Variants in CNTN1 observed in about 807,000 individuals in gnomAD.
CNTN1 encodes the protein contactin 1.
A neutral mutation model predicts 126.4 loss-of-function variants in CNTN1; 38 were observed. The observed-to-expected ratio is 0.30, with a 90% confidence interval of 0.23 to 0.39. The LOEUF (loss-of-function observed/expected upper bound fraction) is 0.39, where lower values mean the gene tolerates loss of function less well. CNTN1 is among the 10% of genes least tolerant of loss of function. The pLI, the probability that CNTN1 is intolerant of heterozygous loss-of-function variation, is 1.00. For missense variants in CNTN1, 1,009 were observed against 1,248.4 expected (o/e 0.81, Z 2.89); for synonymous variants, 413 against 422.6 (o/e 0.98, Z 0.28).
chr12:41,034,947 C>A (rs1265928112), intron 23 of CNTN1, among the ~76,000 whole-genome samples: 8 of 152,308 alleles, frequency 5.3e-5, no homozygotes, highest in African/African-American at 1.7e-4. Flanking sequence ...TTTGATCCAG[C>A]AGTTGTTGGA....
chr12:40,937,929 G>C (rs1244441795), intron 11 of CNTN1, among the ~76,000 whole-genome samples: 2 of 152,058 alleles, frequency 1.3e-5, no homozygotes, highest in African/African-American at 2.4e-5. Flanking sequence ...CCATACCTAG[G>C]AGCACATTAG....
chr12:40,954,525 C>T (rs1946802687), intron 14 of CNTN1, among the ~76,000 whole-genome samples: 1 of 151,970 alleles, frequency 6.6e-6, no homozygotes, highest in Non-Finnish European at 1.5e-5. Context: ...CATCTTTTAC[C>T]TCCTTTGTTA....
intron 17 of CNTN1, among the ~76,000 whole-genome samples, chr12:41,007,524 G>A (rs1463819115): frequency 1.3e-5 from 2 of 152,192 alleles, no homozygotes; most frequent in Non-Finnish European, 2.9e-5. Flanking sequence ...ATAGGCAGAA[G>A]AGAAGTGAAA....
At chr12:40,978,367 A>AT (rs1347783085) in intron 15 of CNTN1, among the ~76,000 whole-genome samples, 3 of 151,902 alleles carry the variant, frequency 2.0e-5, no homozygotes, top group African/African-American at 4.8e-5. Flanking sequence ...ACCGAGTAAA[A>AT]TTCCCACACC....
intron 6 of CNTN1, among the ~76,000 whole-genome samples, chr12:40,928,285 G>A (rs1009439432): frequency 3.3e-5 from 5 of 151,962 alleles, no homozygotes; most frequent in African/African-American, 1.2e-4. Context: ...TCTTTTAAAT[G>A]TACTATACAT....
chr12:40,908,339 T>G lies in CNTN1; in HGVS notation c.-76-18T>G. On this transcript the variant is annotated intron_variant, in intron 1 of 23. Transcript: ENST00000551295. Reference sequence around the variant, plus strand: ...CCTTCTAATTCTTTCCTTCTTCTTCTTTTCTTTCTTGATGCAGGTGTTTAA... The same window carrying G: ...CCTTCTAATTCTTTCCTTCTTCTTCGTTTCTTTCTTGATGCAGGTGTTTAA... 1 of 878,620 alleles carries G rather than the reference T, an allele frequency of 1.1e-6. No homozygotes were observed. The allele number at this position is 878,620 out of a possible 1,614,324, so 54.4% of individuals were successfully genotyped here.
chr12:40,885,643 T>TTAATTAATTAGTTA (rs2136709060), intron 1 of CNTN1, among the ~76,000 whole-genome samples: 1 of 152,102 alleles, frequency 6.6e-6, no homozygotes, highest in Admixed American at 6.5e-5. Context: ...GTATTTACAG[T>TTAATTAATTAGTTA]GGTTAGTAGT....
At chr12:40,805,733 A>C (rs1565761372) in intron 1 of CNTN1, among the ~76,000 whole-genome samples, 1 of 151,994 alleles carries the variant, frequency 6.6e-6, no homozygotes, top group African/African-American at 2.4e-5. Flanking sequence ...GTATCTCATA[A>C]ATTTGAATGC....
intron 1 of CNTN1, among the ~76,000 whole-genome samples, chr12:40,878,306 TA>T (rs200512380): frequency 1.6e-3 from 230 of 142,896 alleles, no homozygotes; most frequent in Admixed American, 2.9e-3. Context: ...AAGAAACAAT[TA>T]AAAAAAAAAA....
intron 17 of CNTN1, among the ~76,000 whole-genome samples, chr12:40,994,559 A>G (rs1173863831): frequency 6.6e-6 from 1 of 152,132 alleles, no homozygotes; most frequent in Non-Finnish European, 1.5e-5. Flanking sequence ...AAAGAGCAAC[A>G]GTGTTCGGTC....
chr12:40,827,136 T>A (rs1313454665), intron 1 of CNTN1, among the ~76,000 whole-genome samples: 1 of 152,112 alleles, frequency 6.6e-6, no homozygotes, highest in Non-Finnish European at 1.5e-5. Context: ...TTTCCCTTGA[T>A]GAATATTAGC....
At chr12:40,928,064 T>G (rs1158218527) in intron 6 of CNTN1, among the ~76,000 whole-genome samples, 3 of 152,108 alleles carry the variant, frequency 2.0e-5, no homozygotes, top group African/African-American at 4.8e-5. Context: ...TTACTCTAAA[T>G]GCATTTTGTG....
Position 40,846,358 on chromosome 12 carries a change from T to C in CNTN1, c.-76-61999T>C, listed in dbSNP as rs142803693. Among the ~76,000 whole-genome samples the C allele has an allele frequency of 9.1e-3, 1,382 of 152,158 alleles. 21 individuals carry two copies. Among genetic ancestry groups the C allele is most frequent in the African/African-American group, 0.032 (1,315 of 41,522 alleles). ...TGGCGGGCGCCTGCAGTCCCAGCTATTCGGGAGGCTGAGGCAGGAGAATGG... is the reference window on the plus strand; with the variant it reads ...TGGCGGGCGCCTGCAGTCCCAGCTACTCGGGAGGCTGAGGCAGGAGAATGG... On this transcript the variant is annotated intron_variant, in intron 1 of 23. Coordinates refer to ENST00000551295, the MANE Select transcript of CNTN1 (RefSeq NM_001843.4).
intron 1 of CNTN1, among the ~76,000 whole-genome samples, chr12:40,724,077 A>G (rs1195694762): frequency 6.6e-6 from 1 of 151,888 alleles, no homozygotes; most frequent in Non-Finnish European, 1.5e-5. Context: ...TTGAGGCTGG[A>G]TTCATTATTA....
chr12:40,806,328 GC>G (rs369991947), intron 1 of CNTN1, among the ~76,000 whole-genome samples: 1 of 152,148 alleles, frequency 6.6e-6, no homozygotes, highest in African/African-American at 2.4e-5. Flanking sequence ...TGCTATAGAA[GC>G]CTAGATCCAG....
chr12:40,981,181 TCTTA>T (rs928682467), intron 16 of CNTN1, 114 bp downstream of exon 16: 5 of 1,004,854 alleles, frequency 5.0e-6, no homozygotes, highest in African/African-American at 3.3e-5. Context: ...AGGCTTTCTT[TCTTA>T]AATTTTTTAA....
intron 1 of CNTN1, among the ~76,000 whole-genome samples, chr12:40,866,614 T>C (rs1268289257): frequency 2.0e-5 from 3 of 152,322 alleles, no homozygotes; most frequent in East Asian, 1.9e-4. Context: ...ATTGCATCAA[T>C]TGATTTTTGG....
chr12:41,064,386 C>T (rs1209440049), intron 23 of CNTN1, among the ~76,000 whole-genome samples: 1 of 152,188 alleles, frequency 6.6e-6, no homozygotes, highest in African/African-American at 2.4e-5. Flanking sequence ...CAGAAAAACT[C>T]AGTATGCCCA....
chr12:40,940,908 C>T (rs17128962), intron 12 of CNTN1, among the ~76,000 whole-genome samples: 32,300 of 152,086 alleles, frequency 0.21, 3,810 homozygotes, highest in African/African-American at 0.33. Flanking sequence ...CAAAGGGCAG[C>T]TACATGTGTA....
Sources: gnomAD v4.1 joint callset for allele counts (sites outside exome capture counted in the v4.1 genomes callset) on GRCh38, gnomAD v4.1.1 for gene constraint, MANE v1.5 for transcripts, NCBI Gene and HGNC (gene_info 2026-07-23, HGNC 2026-07-21) for gene names.